PPARGC1B: variants seen among roughly 807,000 people sequenced by gnomAD.
PPARGC1B encodes the protein PPARG coactivator 1 beta, also known as peroxisome proliferator-activated receptor gamma coactivator 1-beta.
In PPARGC1B, 34 loss-of-function variants were observed where a neutral mutation model predicts 101.6. That is an observed-to-expected ratio of 0.33 (90% confidence interval 0.25 to 0.45). The LOEUF (loss-of-function observed/expected upper bound fraction) is 0.45. Ranked by LOEUF, PPARGC1B falls within the 20% of genes least tolerant of loss-of-function variation. The probability of loss-of-function intolerance (pLI) is 1.00; values close to 1 mark genes in which losing one functional copy is unlikely to be tolerated. For synonymous variants in PPARGC1B, 548 were observed against 539.3 expected (o/e 1.02, Z -0.22); for missense variants, 1,234 against 1,317.6 (o/e 0.94, Z 0.98).
intron 1 of PPARGC1B, among the ~76,000 whole-genome samples, chr5:149,805,406 T>G (rs1757562215): frequency 6.6e-6 from 1 of 152,306 alleles, no homozygotes; most frequent in Non-Finnish European, 1.5e-5. Context: ...CTACTTCTAA[T>G]GTGTAAGAAA....
At position 149,833,551 on chromosome 5, in the gene PPARGC1B, C is replaced by T; in HGVS notation, c.1478C>T (p.Ala493Val). ...GAGCTGGGCCCCTGGCTGACATTTG[C>T]AGATGAGCCGCTGGTCCCCTCGGAG... Reference protein sequence around the residue: ...NPELGPWLTFADEPLVPSEPQ... With the variant: ...NPELGPWLTFVDEPLVPSEPQ... Residue 493 changes from alanine to valine, a missense_variant, in exon 5 of 12, where the codon GCA becomes GTA. Transcript: ENST00000309241. The surrounding 1 kb of genome is among the most constrained non-coding windows in gnomAD (Gnocchi z 4.1). 1.9e-6 allele frequency: 3 copies of T among 1,584,066 alleles called. No individual in the cohort carries two copies. The highest frequency in any genetic ancestry group is 2.6e-6 in the Non-Finnish European group (3 of 1,165,270).
Position 149,836,596 on chromosome 5 carries a change from C to T in PPARGC1B, c.2141C>T (p.Pro714Leu), listed in dbSNP as rs45509002. Residue 714 changes from proline (P) to leucine (L), a missense_variant, in exon 8 of 12, where the codon CCG becomes CTG. By Grantham distance (98) the Pro-to-Leu change is moderately conservative (BLOSUM62 -3). Coordinates refer to ENST00000309241, the MANE Select transcript of PPARGC1B (RefSeq NM_133263.4). ...LQRKVLRSWE[P>L]SGVHLEDWPQ... ...AGGAAGGTGCTGAGGTCCTGGGAGC[C>T]GTCTGGGGTTCACCTTGAGGACTGG... 1.7e-3 allele frequency: 2,699 copies of T among 1,613,804 alleles called. 46 individuals carry two copies. In the African/African-American group the frequency reaches 0.032, roughly 19 times the overall value.
intron 3 of PPARGC1B, among the ~76,000 whole-genome samples, chr5:149,830,170 G>A (rs1000428007): frequency 6.6e-6 from 1 of 151,574 alleles, no homozygotes; most frequent in African/African-American, 2.4e-5. Flanking sequence ...GTTGCCTCTA[G>A]GAGGCAGAAG....
chr5:149,824,888 G>C (rs1227777227), intron 2 of PPARGC1B, among the ~76,000 whole-genome samples: 1 of 152,226 alleles, frequency 6.6e-6, no homozygotes, highest in East Asian at 1.9e-4. Context: ...AAACGCGTTT[G>C]TTCTCTCCCC....
chr5:149,802,621 A>G (rs1418271649), intron 1 of PPARGC1B, among the ~76,000 whole-genome samples: 1 of 150,966 alleles, frequency 6.6e-6, no homozygotes, highest in Non-Finnish European at 1.5e-5. Flanking sequence ...GGCTTTTGGC[A>G]TACGTGATCA....
downstream of PPARGC1B, among the ~76,000 whole-genome samples, chr5:149,855,450 A>G (rs1418750528): frequency 6.6e-6 from 1 of 152,182 alleles, no homozygotes; most frequent in Non-Finnish European, 1.5e-5. Flanking sequence ...TTGGTATATC[A>G]ACTTTCACAT....
chr5:149,755,174 G>T (rs1755471800), intron 1 of PPARGC1B, among the ~76,000 whole-genome samples: 2 of 151,416 alleles, frequency 1.3e-5, no homozygotes, highest in Admixed American at 1.3e-4. Context: ...CTCCCAAAGT[G>T]CTGGGATTAC....
At chr5:149,773,950 C>T (rs1457028228) in intron 1 of PPARGC1B, among the ~76,000 whole-genome samples, 1 of 152,204 alleles carries the variant, frequency 6.6e-6, no homozygotes, top group Admixed American at 6.5e-5. Flanking sequence ...AATGTTGGTG[C>T]TCTGTCCCCA....
At chr5:149,777,760 T>C (rs901378405) in intron 1 of PPARGC1B, among the ~76,000 whole-genome samples, 8 of 148,698 alleles carry the variant, frequency 5.4e-5, no homozygotes, top group Non-Finnish European at 1.0e-4. Context: ...CACTTGGAAG[T>C]AGAGATTTAA....
At chr5:149,803,631 C>A (rs780168000) in intron 1 of PPARGC1B, among the ~76,000 whole-genome samples, 1 of 152,174 alleles carries the variant, frequency 6.6e-6, no homozygotes, top group East Asian at 1.9e-4. Context: ...ATCTGATTTT[C>A]CCCCTTTCCT....
rs1322786201 is a variant in PPARGC1B at position 149,813,997 on chromosome 5, G to C, written c.79-6436G>C. Reference sequence around the variant, plus strand: ...CTCGCCTCCTCATGGCCTCACCATGGGGGTAAGGATTTCAACATAAATTTG... The same window carrying C: ...CTCGCCTCCTCATGGCCTCACCATGCGGGTAAGGATTTCAACATAAATTTG... On this transcript the variant is annotated intron_variant, in intron 1 of 11. Coordinates refer to ENST00000309241, the MANE Select transcript of PPARGC1B (RefSeq NM_133263.4). Among the ~76,000 whole-genome samples the C allele has an allele frequency of 5.3e-5, 8 of 152,170 alleles. No homozygotes were observed. The East Asian group carries it at 1.5e-3, about 29-fold the overall frequency.
intron 1 of PPARGC1B, among the ~76,000 whole-genome samples, chr5:149,775,793 T>A (rs1461787663): frequency 6.6e-6 from 1 of 152,174 alleles, no homozygotes. Flanking sequence ...AGATTCTGCC[T>A]TTGGATCTCC....
At chr5:149,732,382 C>A (rs1261093438) in intron 1 of PPARGC1B, among the ~76,000 whole-genome samples, 3 of 152,214 alleles carry the variant, frequency 2.0e-5, no homozygotes, top group Non-Finnish European at 2.9e-5. Context: ...CGTTCAGGGA[C>A]CCATGTCAAG....
At chr5:149,810,682 G>A (rs1757819365) in intron 1 of PPARGC1B, among the ~76,000 whole-genome samples, 1 of 152,244 alleles carries the variant, frequency 6.6e-6, no homozygotes, top group Non-Finnish European at 1.5e-5. Context: ...TTTGGTGGAT[G>A]GGCCACAGAT....
At chr5:149,758,403 A>T (rs1314289732) in intron 1 of PPARGC1B, among the ~76,000 whole-genome samples, 1 of 152,248 alleles carries the variant, frequency 6.6e-6, no homozygotes, top group Non-Finnish European at 1.5e-5. Flanking sequence ...GACCATCTCC[A>T]TTCTCTTAGA....
chr5:149,787,664 C>T (rs1043629930), intron 1 of PPARGC1B, among the ~76,000 whole-genome samples: 1 of 151,990 alleles, frequency 6.6e-6, no homozygotes, highest in Non-Finnish European at 1.5e-5. Flanking sequence ...AAGATGGGTG[C>T]TGCTGTGATC....
intron 1 of PPARGC1B, among the ~76,000 whole-genome samples, chr5:149,816,061 G>A (rs987647036): frequency 6.6e-6 from 1 of 152,170 alleles, no homozygotes; most frequent in Non-Finnish European, 1.5e-5. Flanking sequence ...AGGACAAGAA[G>A]GCCTTAATTC....
Position 149,832,607 on chromosome 5 carries a change from G to C in PPARGC1B, c.583-49G>C. The C allele has an allele frequency of 7.0e-7, 1 of 1,419,764 alleles. No individual in the cohort carries two copies. Among genetic ancestry groups the C allele is most frequent in the Non-Finnish European group, 9.5e-7 (1 of 1,048,660 alleles). 87.9% of individuals were successfully genotyped at this position (1,419,764 alleles called of 1,614,324 possible). On this transcript the variant is annotated intron_variant, in intron 4 of 11. Coordinates refer to ENST00000309241, the MANE Select transcript of PPARGC1B (RefSeq NM_133263.4). The surrounding 1 kb of genome is among the most constrained non-coding windows in gnomAD (Gnocchi z 4.9). The stretch of plus-strand genomic sequence containing the variant: ...GTGACCATGCGGATGAGACACATGG[G>C]AGGAGTGTTTGGGCCTCCTTCCTCA...
intron 1 of PPARGC1B, among the ~76,000 whole-genome samples, chr5:149,812,696 T>C (rs1355540877): frequency 6.6e-6 from 1 of 152,260 alleles, no homozygotes; most frequent in Non-Finnish European, 1.5e-5. Context: ...CAAAGAGGGC[T>C]GCCAGCCTAT....
Sources: allele counts gnomAD v4.1 joint callset (sites outside exome capture counted in the v4.1 genomes callset), GRCh38; gene constraint gnomAD v4.1.1; non-coding constraint Gnocchi (gnomAD v3.1); transcripts MANE v1.5; gene names NCBI Gene and HGNC (gene_info 2026-07-23, HGNC 2026-07-21).